Variants in KAT14 observed in about 807,000 individuals in gnomAD.
KAT14 encodes the protein cysteine-rich protein 2-binding protein.
A neutral mutation model predicts 78.4 loss-of-function variants in KAT14; 66 were observed. The observed-to-expected ratio is 0.84, with a 90% confidence interval of 0.69 to 1.03. The LOEUF is 1.03. KAT14 is among the 50% of genes least tolerant of loss of function. The probability of loss-of-function intolerance (pLI) is 0.00; values close to 1 mark genes in which losing one functional copy is unlikely to be tolerated. For synonymous variants in KAT14, 344 were observed against 359.4 expected (o/e 0.96, Z 0.48); for missense variants, 870 against 972.5 (o/e 0.89, Z 1.40).
chr20:18,183,398 A>T (rs1305694562), intron 9 of KAT14, 100 bp downstream of exon 9: 1 of 1,410,218 alleles, frequency 7.1e-7, no homozygotes, highest in African/African-American at 1.5e-5. Context: ...ATTTTTATTT[A>T]TGATTTCGTT....
intron 3 of KAT14, 93 bp from the exon 4 acceptor site, chr20:18,150,728 C>T: frequency 6.4e-7 from 1 of 1,570,714 alleles, no homozygotes; most frequent in Non-Finnish European, 8.6e-7. Context: ...ACCATTCCTA[C>T]TCAGAATATA....
chr20:18,168,558 A>G (rs1319710750), intron 7 of KAT14, among the ~76,000 whole-genome samples: 1 of 152,016 alleles, frequency 6.6e-6, no homozygotes, highest in East Asian at 1.9e-4. Context: ...GTTTCTTATC[A>G]ATTAAGTGGC....
intron 4 of KAT14, among the ~76,000 whole-genome samples, chr20:18,153,174 T>C (rs1568665554): frequency 6.6e-6 from 1 of 152,194 alleles, no homozygotes; most frequent in Non-Finnish European, 1.5e-5. Flanking sequence ...CCTCTGTTTC[T>C]TCAGAAGCTG....
intron 3 of KAT14, among the ~76,000 whole-genome samples, chr20:18,146,400 C>G (rs1307730982): frequency 6.6e-5 from 10 of 152,222 alleles, no homozygotes; most frequent in Admixed American, 6.5e-4. Flanking sequence ...TGGCTCATGC[C>G]TGTAATCCCA....
chr20:18,181,707 T>C lies in KAT14; in HGVS notation c.1669-3T>C. 3 of 1,614,006 alleles carry C rather than the reference T, an allele frequency of 1.9e-6. No homozygotes were observed. The East Asian group carries it at 6.7e-5, about 36-fold the overall frequency. The stretch of plus-strand genomic sequence containing the variant: ...CTATATAACCAGTGTTTCTTTCTCA[T>C]AGACTTCCTTGCCGTCCAGGAAGGG... On this transcript the variant is annotated splice_region_variant and splice_polypyrimidine_tract_variant and intron_variant, in intron 7 of 10. Transcript: ENST00000688188.
intron 2 of KAT14, 104 bp downstream of exon 2, chr20:18,143,023 A>T (rs1487560568): frequency 6.8e-7 from 1 of 1,467,882 alleles, no homozygotes; most frequent in Non-Finnish European, 9.0e-7. Context: ...AAATAAAAGG[A>T]TAATTATATT....
chr20:18,137,731 T>C, upstream of KAT14: 2 of 433,342 alleles, frequency 4.6e-6, no homozygotes, highest in South Asian at 5.3e-5. Flanking sequence ...GCCTGCGGGG[T>C]GTGCAGGAGG....
intron 9 of KAT14, 113 bp from the exon 10 acceptor site, chr20:18,184,489 T>TTG: frequency 1.1e-6 from 1 of 881,144 alleles, no homozygotes; most frequent in Non-Finnish European, 1.5e-6. Context: ...TTTGGTGTTT[T>TTG]TTTTTTTTTT....
intron 2 of KAT14, 76 bp from the exon 3 acceptor site, chr20:18,145,157 G>T: frequency 6.5e-7 from 1 of 1,527,808 alleles, no homozygotes; most frequent in Non-Finnish European, 8.8e-7. Flanking sequence ...GAAAATCTGG[G>T]TGATAAACGG....
chr20:18,164,143 C>T (rs1240478077), intron 7 of KAT14, among the ~76,000 whole-genome samples: 2 of 152,148 alleles, frequency 1.3e-5, no homozygotes, highest in East Asian at 1.9e-4. Flanking sequence ...GATAGATCCT[C>T]TTTTCTTTTT....
chr20:18,184,550 C>CT, intron 9 of KAT14, 52 bp from the exon 10 acceptor site: 1 of 1,527,832 alleles, frequency 6.5e-7, no homozygotes, highest in Non-Finnish European at 8.7e-7. Flanking sequence ...CTTGGTGTTC[C>CT]TTAATTCTCA....
rs181500110 is a variant in KAT14, at chr20:18,150,336, T to C, written c.379-485T>C. Among the ~76,000 whole-genome samples the C allele has an allele frequency of 2.3e-3, 354 of 152,346 alleles. 1 individual carries two copies. Among genetic ancestry groups the C allele is most frequent in the Non-Finnish European group, 3.0e-3 (204 of 68,034 alleles). ...AATTCTGAGTCTTGTTTTTGCCATC[T>C]AAGAGCTTAGAGAAATATATACAAG... On this transcript the variant is annotated intron_variant, in intron 3 of 10. Transcript: ENST00000688188.
upstream of KAT14, chr20:18,137,775 G>C: frequency 1.8e-6 from 1 of 558,058 alleles, no homozygotes; most frequent in African/African-American, 2.0e-5. Context: ...TAGAGCCTGG[G>C]CGCCGCTCTA....
intron 5 of KAT14, among the ~76,000 whole-genome samples, chr20:18,161,174 CAA>C (rs969609952): frequency 1.8e-4 from 23 of 129,746 alleles, no homozygotes; most frequent in Admixed American, 2.4e-4. Context: ...GACCCTGTCT[CAA>C]AAAAAAAAAA....
intron 5 of KAT14, among the ~76,000 whole-genome samples, chr20:18,161,016 A>C (rs940860856): frequency 6.6e-6 from 1 of 152,058 alleles, no homozygotes; most frequent in Non-Finnish European, 1.5e-5. Context: ...CTGTACAAAA[A>C]TACAAAAATC....
intron 7 of KAT14, among the ~76,000 whole-genome samples, chr20:18,178,392 A>G (rs1247076406): frequency 6.6e-6 from 1 of 151,910 alleles, no homozygotes; most frequent in Non-Finnish European, 1.5e-5. Context: ...TGGAAAAGAG[A>G]TTGTATTAGT....
intron 7 of KAT14, 101 bp from the exon 8 acceptor site, chr20:18,181,609 T>C: frequency 1.3e-6 from 2 of 1,525,638 alleles, no homozygotes; most frequent in South Asian, 2.5e-5. Flanking sequence ...GACCTTGTGA[T>C]CCGCCTACCT....
rs977907405 is a variant in KAT14 at position 18,145,031 on chromosome 20, C to T, written c.260-202C>T. The T allele has an allele frequency of 4.0e-6, 5 of 1,258,600 alleles. No individual in the cohort carries two copies. In the African/African-American group the frequency reaches 7.7e-5, roughly 19 times the overall value. The allele number at this position is 1,258,600 out of a possible 1,614,324, so 78.0% of individuals were successfully genotyped here. A position where few individuals can be genotyped will look rare whatever the true frequency, so the allele number is the denominator to read the frequency against. On this transcript the variant is annotated intron_variant, in intron 2 of 10. Transcript: ENST00000688188. Reference sequence around the variant, plus strand: ...TTCTCCTAAAAGTTACTGGATCCTACAGATCTTAGTGGGCGTATACTTGGT... The same window carrying T: ...TTCTCCTAAAAGTTACTGGATCCTATAGATCTTAGTGGGCGTATACTTGGT...
intron 1 of KAT14, among the ~76,000 whole-genome samples, chr20:18,141,545 G>GT (rs1288072143): frequency 6.6e-6 from 1 of 152,166 alleles, no homozygotes; most frequent in African/African-American, 2.4e-5. Flanking sequence ...TGTTACTGTA[G>GT]TAACTCGCCA....
Sources: gnomAD v4.1 joint callset for allele counts (sites outside exome capture counted in the v4.1 genomes callset) on GRCh38, gnomAD v4.1.1 for gene constraint, MANE v1.5 for transcripts, NCBI Gene and HGNC (gene_info 2026-07-23, HGNC 2026-07-21) for gene names.